The following FREM2 variants were observed in gnomAD, a reference collection of about 807,000 sequenced individuals.
FREM2 encodes the protein FRAS1 related extracellular matrix 2, also known as FRAS1-related extracellular matrix protein 2.
A neutral mutation model predicts 219.9 loss-of-function variants in FREM2; 119 were observed. That is an observed-to-expected ratio of 0.54 (90% CI 0.47 to 0.63). The LOEUF is 0.63. FREM2 is among the 30% of genes least tolerant of loss of function. The pLI is 0.00. For missense variants in FREM2, 4,030 were observed against 3,993.6 expected, an observed-to-expected ratio of 1.01 and a Z score of -0.25; for synonymous variants, 1,562 against 1,522.8, an observed-to-expected ratio of 1.03 and a Z score of -0.60.
rs989191376 is a variant in FREM2, at chr13:38,874,426, A to G, written c.8177-56A>G. The G allele has an allele frequency of 3.0e-6, 4 of 1,354,806 alleles. No individual in the cohort carries two copies. The African/African-American group carries it at 4.3e-5, about 15-fold the overall frequency. The allele number at this position is 1,354,806 out of a possible 1,614,324, so 83.9% of individuals were successfully genotyped here. On this transcript the variant is annotated intron_variant, in intron 17 of 23. Coordinates refer to ENST00000280481, the MANE Select transcript of FREM2 (RefSeq NM_207361.6). Reference sequence around the variant, plus strand: ...GAATTAATTTTTGGAAGGAATCTGTACATAAGGGGTCTCTGGCTACATATA... The same window carrying G: ...GAATTAATTTTTGGAAGGAATCTGTGCATAAGGGGTCTCTGGCTACATATA...
chr13:38,689,940 T>C lies in FREM2; in HGVS notation c.2596T>C (p.Phe866Leu). The change falls in exon 1 of 24, where the codon TTC becomes CTC. Residue 866 changes from phenylalanine to leucine, a missense_variant. By Grantham distance (22) the Phe-to-Leu change is conservative. Around this residue, in one of 2 missense-constraint regions of FREM2, gnomAD observed 3,102 missense variants for 2,950.7 expected, o/e 1.05. Transcript: ENST00000280481. Reference protein sequence around the residue: ...DVDTDVAHISFTLTQAPKHGH... With the variant: ...DVDTDVAHISLTLTQAPKHGH... ...AGACACTGATGTTGCCCATATCTCT[T>C]TCACTCTCACTCAGGCACCCAAACA... 6.2e-7 allele frequency: 1 copy of C among 1,614,178 alleles called. No homozygotes were observed. The highest frequency in any genetic ancestry group is 1.1e-5 in the South Asian group (1 of 91,082).
At chr13:38,834,112 G>T (rs1221527062) in intron 6 of FREM2, among the ~76,000 whole-genome samples, 3 of 152,004 alleles carry the variant, frequency 2.0e-5, no homozygotes, top group Non-Finnish European at 4.4e-5. Context: ...GTGGTTTGCT[G>T]CACCCATCAA....
intron 6 of FREM2, among the ~76,000 whole-genome samples, chr13:38,800,619 C>T (rs190060519): frequency 1.7e-3 from 254 of 152,064 alleles, no homozygotes; most frequent in African/African-American, 5.6e-3. Context: ...GGGAAATTTT[C>T]GTCTGTTATT....
At chr13:38,771,489 G>T (rs1273887868) in intron 4 of FREM2, among the ~76,000 whole-genome samples, 1 of 152,046 alleles carries the variant, frequency 6.6e-6, no homozygotes, top group Admixed American at 6.6e-5. Flanking sequence ...TAAGCTCAGA[G>T]TGACACTCTG....
chr13:38,781,955 G>C (rs1055423554), intron 4 of FREM2, among the ~76,000 whole-genome samples: 1 of 152,116 alleles, frequency 6.6e-6, no homozygotes, highest in African/African-American at 2.4e-5. Flanking sequence ...GGGAAACCAA[G>C]GGAATAAACG....
intron 6 of FREM2, among the ~76,000 whole-genome samples, chr13:38,818,912 A>G (rs1875883415): frequency 6.6e-6 from 1 of 152,080 alleles, no homozygotes; most frequent in African/African-American, 2.4e-5. Flanking sequence ...TGCTAGAAGA[A>G]AGGCTTTTGA....
At chr13:38,806,986 C>T (rs1197092964) in intron 6 of FREM2, among the ~76,000 whole-genome samples, 1 of 151,066 alleles carries the variant, frequency 6.6e-6, no homozygotes, top group Non-Finnish European at 1.5e-5. Context: ...CTCATCCACT[C>T]AGGTTTTATG....
intron 14 of FREM2, among the ~76,000 whole-genome samples, chr13:38,860,555 A>G (rs1353155471): frequency 6.6e-6 from 1 of 152,236 alleles, no homozygotes; most frequent in East Asian, 1.9e-4. Flanking sequence ...ATAATGCCTT[A>G]AAATGATTCT....
intron 4 of FREM2, among the ~76,000 whole-genome samples, chr13:38,770,510 CTT>C (rs1303119049): frequency 6.6e-6 from 1 of 152,046 alleles, no homozygotes; most frequent in Admixed American, 6.6e-5. Context: ...CTTAACATAT[CTT>C]TGAAACAAAC....
intron 6 of FREM2, among the ~76,000 whole-genome samples, chr13:38,828,918 A>C (rs1021975391): frequency 6.6e-6 from 1 of 152,098 alleles, no homozygotes; most frequent in African/African-American, 2.4e-5. Context: ...GCTGTAGTAC[A>C]TATCCTTTTT....
intron 6 of FREM2, among the ~76,000 whole-genome samples, chr13:38,831,622 T>TTTG (rs1369518080): frequency 6.6e-6 from 1 of 151,486 alleles, no homozygotes; most frequent in East Asian, 1.9e-4. Context: ...AATTTTTTTT[T>TTTG]TTTTTGAGAT....
At chr13:38,827,849 G>A (rs940011592) in intron 6 of FREM2, among the ~76,000 whole-genome samples, 12 of 152,104 alleles carry the variant, frequency 7.9e-5, no homozygotes, top group African/African-American at 2.9e-4. Context: ...GAGTAAAAAT[G>A]TTTTAGAGAA....
intron 4 of FREM2, among the ~76,000 whole-genome samples, chr13:38,779,237 G>A (rs1874010047): frequency 6.6e-6 from 1 of 151,986 alleles, no homozygotes; most frequent in African/African-American, 2.4e-5. Context: ...GGGGGTGGAG[G>A]GAAAGGGGAG....
rs1395087964 is a variant in FREM2, at chr13:38,886,286, TC to T, written c.*5501del. The T allele has an allele frequency of 6.6e-6, 1 of 152,128 alleles. No homozygotes were observed. Among genetic ancestry groups the T allele is most frequent in the African/African-American group, 2.4e-5 (1 of 41,432 alleles). The allele number at this position is 152,128 out of a possible 1,614,324, so 9.4% of individuals were successfully genotyped here. A position where few individuals can be genotyped will look rare whatever the true frequency, so the allele number is the denominator to read the frequency against. On this transcript the variant is annotated 3_prime_UTR_variant, in exon 24 of 24. Coordinates refer to ENST00000280481, the MANE Select transcript of FREM2 (RefSeq NM_207361.6). ...TTACAAAAAGTAGTCAAGTCAGTCT[TC>T]CATTGTGACTTCAGGAATTCAAATG...
chr13:38,813,164 T>G (rs1875562553), intron 6 of FREM2, among the ~76,000 whole-genome samples: 1 of 152,074 alleles, frequency 6.6e-6, no homozygotes, highest in South Asian at 2.1e-4. Context: ...GTTTTGTTCC[T>G]TCAGATGATT....
intron 6 of FREM2, among the ~76,000 whole-genome samples, chr13:38,813,410 C>T (rs1255658069): frequency 7.5e-5 from 11 of 145,698 alleles, no homozygotes; most frequent in African/African-American, 2.5e-4. Flanking sequence ...TGTAAGGTTT[C>T]CACTGTAAAG....
At chr13:38,753,187 A>G (rs1872848481) in intron 2 of FREM2, among the ~76,000 whole-genome samples, 1 of 152,162 alleles carries the variant, frequency 6.6e-6, no homozygotes, top group Non-Finnish European at 1.5e-5. Flanking sequence ...TTTTTAACTT[A>G]TATACAAGTG....
chr13:38,709,508 A>C (rs1870677407), intron 2 of FREM2, among the ~76,000 whole-genome samples: 1 of 152,042 alleles, frequency 6.6e-6, no homozygotes, highest in South Asian at 2.1e-4. Flanking sequence ...GGGCAGCACA[A>C]ATATTTAATA....
At chr13:38,793,424 T>C (rs1406123059) in intron 6 of FREM2, among the ~76,000 whole-genome samples, 1 of 152,122 alleles carries the variant, frequency 6.6e-6, no homozygotes, top group Non-Finnish European at 1.5e-5. Flanking sequence ...GAGTGAGAAA[T>C]TCACAAGTGC....
Sources: allele counts gnomAD v4.1 joint callset (sites outside exome capture counted in the v4.1 genomes callset), GRCh38; gene constraint gnomAD v4.1.1; regional missense constraint gnomAD v4.1.1; transcripts MANE v1.5; gene names NCBI Gene and HGNC (gene_info 2026-07-23, HGNC 2026-07-21).